Variants in GPHN observed in about 807,000 individuals in gnomAD.
GPHN encodes gephyrin.
In GPHN, 17 loss-of-function variants were observed where a neutral mutation model predicts 95.5. The ratio of observed to expected loss-of-function variants is 0.18; its 90% CI spans 0.12 to 0.27. The LOEUF is 0.27. Ranked by LOEUF, GPHN falls within the 10% of genes least tolerant of loss-of-function variation. The pLI is 1.00. For synonymous variants in GPHN, 320 were observed against 322.5 expected (o/e 0.99, Z 0.08); for missense variants, 660 against 978.1 (o/e 0.67, Z 4.34).
At chr14:67,494,395 A>G in the GPHN span, among the ~76,000 whole-genome samples, 1 of 152,228 alleles carries the variant, frequency 6.6e-6, no homozygotes, top group South Asian at 2.1e-4. Flanking sequence ...TCAAGGTCAC[A>G]GTGCTAGTAA....
intron 2 of GPHN, among the ~76,000 whole-genome samples, chr14:66,759,754 T>G (rs1213027166): frequency 6.6e-6 from 1 of 152,212 alleles, no homozygotes; most frequent in Non-Finnish European, 1.5e-5. Context: ...GAGGCTGCTT[T>G]GATCATATGG....
At chr14:67,399,786 G>A in the GPHN span, among the ~76,000 whole-genome samples, 27 of 152,310 alleles carry the variant, frequency 1.8e-4, no homozygotes, top group East Asian at 4.8e-3. Flanking sequence ...GTGGGTGGTA[G>A]AGCCAATGGG....
At chr14:67,405,335 T>C in the GPHN span, among the ~76,000 whole-genome samples, 1 of 151,534 alleles carries the variant, frequency 6.6e-6, no homozygotes, top group Non-Finnish European at 1.5e-5. Flanking sequence ...CATGAAAAAA[T>C]GAATTTAAAT....
chr14:66,675,099 C>T (rs1202958065), intron 1 of GPHN, among the ~76,000 whole-genome samples: 1 of 147,674 alleles, frequency 6.8e-6, no homozygotes, highest in Non-Finnish European at 1.5e-5. Flanking sequence ...TATTTGTTGG[C>T]TATTTGTTTG....
the GPHN span, chr14:67,575,724 A>T: frequency 1.1e-6 from 1 of 902,736 alleles, no homozygotes; most frequent in Non-Finnish European, 1.7e-6. Flanking sequence ...ATCGGTCCAT[A>T]TCCACGATTC....
intron 1 of GPHN, among the ~76,000 whole-genome samples, chr14:66,573,910 C>T (rs1298619247): frequency 6.6e-6 from 1 of 152,068 alleles, no homozygotes; most frequent in Non-Finnish European, 1.5e-5. Context: ...CGAAATGAAT[C>T]TCTTGTAGGC....
At chr14:66,776,960 A>G (rs942672497) in intron 3 of GPHN, among the ~76,000 whole-genome samples, 14 of 152,168 alleles carry the variant, frequency 9.2e-5, no homozygotes, top group Non-Finnish European at 1.6e-4. Flanking sequence ...ATATGTATAC[A>G]TGTGACATGC....
At chr14:66,750,410 T>C (rs1229571174) in intron 2 of GPHN, among the ~76,000 whole-genome samples, 1 of 151,850 alleles carries the variant, frequency 6.6e-6, no homozygotes, top group Non-Finnish European at 1.5e-5. Context: ...CTTATAATTG[T>C]AGTCTCTGTT....
the GPHN span, among the ~76,000 whole-genome samples, chr14:67,508,880 G>A: frequency 6.6e-6 from 1 of 151,478 alleles, no homozygotes; most frequent in Non-Finnish European, 1.5e-5. Context: ...CAGAAGAACA[G>A]AATAATCTCA....
intron 12 of GPHN, among the ~76,000 whole-genome samples, chr14:67,094,119 C>A (rs554693822): frequency 6.6e-6 from 1 of 152,090 alleles, no homozygotes; most frequent in Admixed American, 6.5e-5. Context: ...TTTCAAGAGA[C>A]TTAAAGAAAG....
chr14:67,311,792 TTAA>T, the GPHN span, among the ~76,000 whole-genome samples: 35 of 152,324 alleles, frequency 2.3e-4, 1 homozygote, highest in Non-Finnish European at 4.1e-4. Flanking sequence ...ACTTGTACCG[TTAA>T]TAATATGTCA....
At chr14:67,045,707 G>GTCTCTCTCTCTCTGTCTGTCTCTCTC (rs2153638935) in intron 10 of GPHN, among the ~76,000 whole-genome samples, 1 of 143,596 alleles carries the variant, frequency 7.0e-6, no homozygotes, top group African/African-American at 2.6e-5. Context: ...CTCTGTCTCT[G>GTCTCTCTCTCTCTGTCTGTCTCTCTC]TCTCTCTCTC....
chr14:67,691,384 A>G, the GPHN span: 6 of 613,356 alleles, frequency 9.8e-6, no homozygotes, highest in Non-Finnish European at 1.4e-5. Flanking sequence ...TTTATTTTCT[A>G]TTGTTTTTCA....
At chr14:67,373,017 A>G in the GPHN span, among the ~76,000 whole-genome samples, 2 of 152,214 alleles carry the variant, frequency 1.3e-5, no homozygotes, top group African/African-American at 2.4e-5. Context: ...CCACTGCACA[A>G]TCAATAGATT....
the GPHN span, among the ~76,000 whole-genome samples, chr14:67,640,202 C>T: frequency 1.3e-5 from 2 of 151,942 alleles, no homozygotes; most frequent in African/African-American, 4.8e-5. Context: ...TCATATTTTT[C>T]TCCTCCTACC....
At chr14:67,165,010 T>G in intron 19 of GPHN, 152 bp from the exon 20 acceptor site, 1 of 630,742 alleles carries the variant, frequency 1.6e-6, no homozygotes, top group Non-Finnish European at 2.8e-6. Flanking sequence ...TAAGTGTCTG[T>G]GGAATACTTC....
the GPHN span, chr14:67,353,018 G>A: frequency 4.3e-6 from 7 of 1,613,338 alleles, no homozygotes; most frequent in Non-Finnish European, 5.9e-6. Context: ...CCCTTTAAAC[G>A]AGCCTTCATG....
At chr14:66,562,636 G>A (rs902330524) in intron 1 of GPHN, among the ~76,000 whole-genome samples, 1 of 152,146 alleles carries the variant, frequency 6.6e-6, no homozygotes, top group African/African-American at 2.4e-5. Context: ...GGGAAGACAG[G>A]ACGAAGGAAA....
At chr14:66,692,343 T>C (rs1357549117) in intron 2 of GPHN, among the ~76,000 whole-genome samples, 1 of 152,126 alleles carries the variant, frequency 6.6e-6, no homozygotes, top group Non-Finnish European at 1.5e-5. Flanking sequence ...GTACTAACAT[T>C]TATCAACTAC....
Sources: gnomAD v4.1 joint callset for allele counts (sites outside exome capture counted in the v4.1 genomes callset) on GRCh38, gnomAD v4.1.1 for gene constraint, MANE v1.5 for transcripts, NCBI Gene and HGNC (gene_info 2026-07-23, HGNC 2026-07-21) for gene names.